DUOX2: variants seen among roughly 807,000 people sequenced by gnomAD.
DUOX2 encodes NADH/NADPH thyroid oxidase p138-tox.
Under a neutral mutation model 183.3 loss-of-function variants are expected in DUOX2, and 185 were observed. The ratio of observed to expected loss-of-function variants is 1.01; its 90% CI spans 0.90 to 1.14. The LOEUF is 1.14. Ranked by LOEUF, DUOX2 falls within the 50% of genes most tolerant of loss-of-function variation. DUOX2 has a pLI of 0.00. For synonymous variants in DUOX2, 788 were observed against 812.4 expected (o/e 0.97, Z 0.51); for missense variants, 1,999 against 2,022.9 (o/e 0.99, Z 0.23).
chr15:45,103,353 G>C (rs1370963248), intron 20 of DUOX2, among the ~76,000 whole-genome samples: 1 of 152,228 alleles, frequency 6.6e-6, no homozygotes, highest in African/African-American at 2.4e-5. Context: ...AGAGAAGCTG[G>C]ATTCAACAGG....
Position 45,093,714 on chromosome 15 carries a change from C to A in DUOX2, c.*436G>T, listed in dbSNP as rs920392928. On this transcript the variant is annotated 3_prime_UTR_variant, in exon 34 of 34. Coordinates refer to ENST00000389039, the MANE Select transcript of DUOX2 (RefSeq NM_001363711.2). ...GGAAGTCAATTAGAGATGTGGGGAG[C>A]TATCGGAGACAAGCACTATTGTACC... The A allele has an allele frequency of 1.6e-5, 3 of 189,506 alleles. No individual in the cohort carries two copies. The highest frequency in any genetic ancestry group is 6.9e-5 in the African/African-American group (3 of 43,400). The allele number at this position is 189,506 out of a possible 1,614,324, so 11.7% of individuals were successfully genotyped here. A position where few individuals can be genotyped will look rare whatever the true frequency, so the allele number is the denominator to read the frequency against.
At position 45,095,934 on chromosome 15, in the gene DUOX2, T is replaced by C. The variant is rs888078705; in HGVS notation, c.3974A>G (p.His1325Arg). Reference protein sequence around the residue: ...YHPFTLTSAPHEDTLSLHIRA... With the variant: ...YHPFTLTSAPREDTLSLHIRA... ...GATGTGCAGGCTGAGTGTGTCCTCA[T>C]GGGGCGCGGAGGTCAGTGTGAAGGG... Residue 1325 changes from histidine to arginine, a missense_variant, in exon 30 of 34, where the codon CAT becomes CGT. Coordinates refer to ENST00000389039, the MANE Select transcript of DUOX2 (RefSeq NM_001363711.2). 1.2e-5 allele frequency: 20 copies of C among 1,612,640 alleles called. No individual in the cohort carries two copies. The highest frequency in any genetic ancestry group is 2.2e-5 in the East Asian group (1 of 44,810).
In DUOX2 at chr15:45,106,862, T is replaced by C. The variant is rs1894232279; in HGVS notation, c.1801A>G (p.Thr601Ala). The change falls in exon 15 of 34, where the codon ACC becomes GCC. Residue 601 changes from threonine (T) to alanine (A), a missense_variant. Around this residue, in one of 3 missense-constraint regions of DUOX2, gnomAD observed 1,628 missense variants for 1,608.6 expected, o/e 1.01. Coordinates refer to ENST00000389039, the MANE Select transcript of DUOX2 (RefSeq NM_001363711.2). ...FEGSSPGFAITIIALCCLPLV... is the reference protein window; with the variant it reads ...FEGSSPGFAIAIIALCCLPLV... ...GGAAGGCAGCAGAGAGCAATGATGGTGATGGCAAAACCAGGGCTGCTGCCT... is the reference window on the plus strand; with the variant it reads ...GGAAGGCAGCAGAGAGCAATGATGGCGATGGCAAAACCAGGGCTGCTGCCT... The C allele has an allele frequency of 6.3e-7, 1 of 1,591,540 alleles. No individual in the cohort carries two copies. Among genetic ancestry groups the C allele is most frequent in the Non-Finnish European group, 8.5e-7 (1 of 1,169,880 alleles).
At chr15:45,101,685 G>T in intron 21 of DUOX2, 108 bp downstream of exon 21, 2 of 1,424,218 alleles carry the variant, frequency 1.4e-6, no homozygotes, top group South Asian at 1.2e-5. Flanking sequence ...TTCTATACTA[G>T]GTACCAAGGA....
Position 45,106,908 on chromosome 15 carries a change from C to G in DUOX2, c.1755G>C (p.Leu585=). Residue 585 remains leucine (L), a synonymous_variant, in exon 15 of 34, where the codon CTG becomes CTC. Transcript: ENST00000389039. The part of the protein sequence containing the change: ...TTDGLPQCAP[L]TVLDFFEGSS... ...TGCCTTCAAAGAAGTCAAGCACAGT[C>G]AGGGGTGCACACTGGGGCAGGCCGT... 1 of 1,583,000 alleles carries G rather than the reference C, an allele frequency of 6.3e-7. No homozygotes were observed. Among genetic ancestry groups the G allele is most frequent in the Non-Finnish European group, 8.6e-7 (1 of 1,165,138 alleles).
intron 28 of DUOX2, 26 bp from the exon 29 acceptor site, chr15:45,097,417 C>T (rs1221759702): frequency 6.2e-7 from 1 of 1,614,188 alleles, no homozygotes; most frequent in Admixed American, 1.7e-5. Flanking sequence ...GTTAGTACAA[C>T]TCAGGCCCAG....
Position 45,097,266 on chromosome 15 carries a change from G to T in DUOX2, c.3819C>A (p.Ser1273Arg), listed in dbSNP as rs750148604. ...AGGGCAGCAGCTCCGCCTTCACCAC[G>T]CTGATCTCCACCTTCTTCCGGCTCA... ...VSLSRKKVEISVVKAELLPSG... is the reference protein window; with the variant it reads ...VSLSRKKVEIRVVKAELLPSG... Residue 1273 changes from serine to arginine, a missense_variant, in exon 29 of 34, where the codon AGC becomes AGA. This residue lies in a region of DUOX2 where 1,628 missense variants were observed against 1,608.6 expected (regional missense o/e 1.01). Coordinates refer to ENST00000389039, the MANE Select transcript of DUOX2 (RefSeq NM_001363711.2). 2.5e-6 allele frequency: 4 copies of T among 1,614,080 alleles called. No homozygotes were observed. The highest frequency in any genetic ancestry group is 2.7e-5 in the African/African-American group (2 of 74,926).
intron 26 of DUOX2, chr15:45,099,047 T>G: frequency 3.9e-6 from 1 of 259,098 alleles, no homozygotes; most frequent in South Asian, 5.1e-5. Context: ...GTCTCACTCT[T>G]TCGCCCAAGC....
At chr15:45,110,810 G>A in intron 7 of DUOX2, 100 bp from the exon 8 acceptor site, 9 of 1,575,770 alleles carry the variant, frequency 5.7e-6, no homozygotes, top group Non-Finnish European at 7.8e-6. Context: ...ATGAGACCAG[G>A]AAGGGTCAAT....
At chr15:45,096,208 G>A in intron 29 of DUOX2, 148 bp from the exon 30 acceptor site, 2 of 725,746 alleles carry the variant, frequency 2.8e-6, no homozygotes, top group Non-Finnish European at 2.4e-6. Flanking sequence ...CTGGGAGTAG[G>A]AGGGTCCCCT....
intron 4 of DUOX2, 21 bp downstream of exon 4, chr15:45,112,533 G>A (rs774000076): frequency 1.2e-6 from 2 of 1,611,092 alleles, no homozygotes; most frequent in South Asian, 2.2e-5. Context: ...CAACCCCACT[G>A]GTCTCCCCCT....
Position 45,111,252 on chromosome 15 carries a change from C to T in DUOX2, c.741G>A (p.Arg247=), listed in dbSNP as rs948692274. 2.2e-6 allele frequency: 3 copies of T among 1,362,778 alleles called. No individual in the cohort carries two copies. Among genetic ancestry groups the T allele is most frequent in the African/African-American group, 1.5e-5 (1 of 65,926 alleles). The allele number at this position is 1,362,778 out of a possible 1,614,324, so 84.4% of individuals were successfully genotyped here. The change falls in exon 7 of 34, where the codon CGG becomes CGA. Residue 247 remains arginine, a synonymous_variant. Coordinates refer to ENST00000389039, the MANE Select transcript of DUOX2 (RefSeq NM_001363711.2). ...GGCCCAGCGCCTGCAGGAAGGGTTC[C>T]CGGTTCCCTCTCTCTGCCCCGAAGG... is the stretch of plus-strand genomic sequence containing the variant. ...LYAFGAERGN[R]EPFLQALGLL... is the part of the protein sequence containing the mutation.
Position 45,105,084 on chromosome 15 carries a change from G to C in DUOX2, c.2334+559C>G, listed in dbSNP as rs1894178839. On this transcript the variant is annotated intron_variant, in intron 18 of 33. Transcript: ENST00000389039. ...GATCTGCCCGCCTCAGCCTCCCAAA[G>C]TGCTGGGATTATAGGCATGAGCCAC... is the stretch of plus-strand genomic sequence containing the variant. 2.6e-5 allele frequency among the ~76,000 whole-genome samples: 4 copies of C among 152,342 alleles called. No homozygotes were observed. The South Asian group carries it at 8.3e-4, about 32-fold the overall frequency.
chr15:45,105,865 C>T (rs1178677593), intron 17 of DUOX2, 37 bp from the exon 18 acceptor site: 4 of 1,612,048 alleles, frequency 2.5e-6, no homozygotes, highest in African/African-American at 1.3e-5. Flanking sequence ...GCAGGGAGCT[C>T]GCTGGACCTT....
At chr15:45,111,649 C>A in intron 5 of DUOX2, 64 bp from the exon 6 acceptor site, 8 of 1,451,874 alleles carry the variant, frequency 5.5e-6, no homozygotes, top group Non-Finnish European at 7.2e-6. Context: ...AAGGCCGGGG[C>A]CCGGCGGGTG....
At chr15:45,099,609 C>T in intron 25 of DUOX2, 53 bp downstream of exon 25, 2 of 1,606,342 alleles carry the variant, frequency 1.2e-6, no homozygotes, top group Non-Finnish European at 1.7e-6. Flanking sequence ...CTGTTTCCCC[C>T]AACTAGACCC....
chr15:45,109,640 A>AT lies in DUOX2; in HGVS notation c.1132-15dup. ...CAGATTGGGGTTCTGGAAGTAAACAATGCACTCAAGATAGGCCTCTACCCA... is the reference window on the plus strand; with the variant it reads ...CAGATTGGGGTTCTGGAAGTAAACAATTGCACTCAAGATAGGCCTCTACCCA... On this transcript the variant is annotated splice_polypyrimidine_tract_variant and intron_variant, in intron 10 of 33. Transcript: ENST00000389039. The AT allele has an allele frequency of 6.2e-7, 1 of 1,613,594 alleles. No individual in the cohort carries two copies. The highest frequency in any genetic ancestry group is 1.1e-5 in the South Asian group (1 of 91,066).
intron 20 of DUOX2, among the ~76,000 whole-genome samples, chr15:45,102,980 A>AAAAC (rs767689044): frequency 7.2e-5 from 11 of 152,156 alleles, no homozygotes; most frequent in South Asian, 4.1e-4. Flanking sequence ...ACTCCGTCTC[A>AAAAC]AAACAAACAA....
rs762652567 is a variant in DUOX2, at chr15:45,111,918, C to A, written c.363G>T (p.Thr121=). The A allele has an allele frequency of 9.3e-6, 15 of 1,613,596 alleles. No individual in the cohort carries two copies. Among genetic ancestry groups the A allele is most frequent in the African/African-American group, 1.3e-5 (1 of 74,932 alleles). Residue 121 remains threonine (T), a synonymous_variant, in exon 5 of 34, where the codon ACG becomes ACT. Coordinates refer to ENST00000389039, the MANE Select transcript of DUOX2 (RefSeq NM_001363711.2). ...TGAGGAACTCGGCGGGGCAACCGGG[C>A]GTTTCCACGCTCACCACGTCGGAAA... The part of the protein sequence containing the change: ...HVLSDVVSVE[T]PGCPAEFLNI...
Sources: allele counts gnomAD v4.1 joint callset (sites outside exome capture counted in the v4.1 genomes callset), GRCh38; gene constraint gnomAD v4.1.1; regional missense constraint gnomAD v4.1.1; transcripts MANE v1.5; gene names NCBI Gene and HGNC (gene_info 2026-07-23, HGNC 2026-07-21).